ST6GALNAC5: variants seen among roughly 807,000 people sequenced by gnomAD.
The protein encoded by ST6GALNAC5 is ST6 N-acetylgalactosaminide alpha-2,6-sialyltransferase 5.
A neutral mutation model predicts 33.6 loss-of-function variants in ST6GALNAC5; 27 were observed. The observed-to-expected ratio is 0.80, with a 90% CI of 0.59 to 1.11. ST6GALNAC5 has a LOEUF of 1.11. Among genes scored for constraint, ST6GALNAC5 ranks in the 50% least tolerant of loss-of-function variants. The pLI is 0.00. For synonymous variants in ST6GALNAC5, 194 were observed against 171.2 expected, an observed-to-expected ratio of 1.13 and a Z score of -1.04; for missense variants, 428 against 454.0, an observed-to-expected ratio of 0.94 and a Z score of 0.52.
chr1:77,000,834 T>A (rs1403925213), intron 2 of ST6GALNAC5, among the ~76,000 whole-genome samples: 1 of 152,154 alleles, frequency 6.6e-6, no homozygotes, highest in African/African-American at 2.4e-5. Context: ...GGGCTCCGTT[T>A]TGTTCCATTG....
chr1:77,015,189 A>G (rs1650782771), intron 2 of ST6GALNAC5, among the ~76,000 whole-genome samples: 1 of 152,170 alleles, frequency 6.6e-6, no homozygotes, highest in South Asian at 2.1e-4. Flanking sequence ...CAGTAGGGTA[A>G]ATCAGTCCAA....
chr1:77,039,252 G>A (rs1340214868), intron 2 of ST6GALNAC5, among the ~76,000 whole-genome samples: 2 of 152,172 alleles, frequency 1.3e-5, no homozygotes, highest in Non-Finnish European at 2.9e-5. Flanking sequence ...CCTCACAACA[G>A]CTCTAATGAC....
chr1:77,021,454 A>G (rs1442164612), intron 2 of ST6GALNAC5, among the ~76,000 whole-genome samples: 2 of 152,150 alleles, frequency 1.3e-5, no homozygotes, highest in Admixed American at 6.5e-5. Flanking sequence ...TAATGACTTC[A>G]TTATATTTTG....
intron 2 of ST6GALNAC5, among the ~76,000 whole-genome samples, chr1:76,992,222 G>A (rs6669856): frequency 0.81 from 123,586 of 152,046 alleles, 50,692 homozygotes; most frequent in East Asian, 0.93. Flanking sequence ...TCTTGAATGA[G>A]TAACTCTATG....
At chr1:77,011,034 G>A (rs1399222180) in intron 2 of ST6GALNAC5, among the ~76,000 whole-genome samples, 1 of 152,180 alleles carries the variant, frequency 6.6e-6, no homozygotes, top group African/African-American at 2.4e-5. Context: ...GAAGTCTGAG[G>A]TTCTGCTGTT....
intron 2 of ST6GALNAC5, among the ~76,000 whole-genome samples, chr1:77,005,290 A>T (rs1650357497): frequency 1.3e-5 from 2 of 152,118 alleles, no homozygotes; most frequent in Admixed American, 6.6e-5. Flanking sequence ...TGACTCAGAA[A>T]GGGAACTCCC....
rs752127454 is a variant in ST6GALNAC5, at chr1:77,063,229, A to T, written c.*23A>T. ...TAAGGAATGAGCATGCCAGACTGTA[A>T]TCCCAGGTATTCACTGCATCAGACA... On this transcript the variant is annotated 3_prime_UTR_variant, in exon 5 of 5. Coordinates refer to ENST00000477717, the MANE Select transcript of ST6GALNAC5 (RefSeq NM_030965.3). 1 of 1,603,662 alleles carries T rather than the reference A, an allele frequency of 6.2e-7. No individual in the cohort carries two copies. The highest frequency in any genetic ancestry group is 1.3e-5 in the African/African-American group (1 of 74,754).
chr1:76,984,288 GAGA>G (rs1303860614), intron 2 of ST6GALNAC5, among the ~76,000 whole-genome samples: 11 of 152,120 alleles, frequency 7.2e-5, no homozygotes, highest in Non-Finnish European at 1.0e-4. Context: ...GAAGAAAAAA[GAGA>G]AGAAGACTCA....
chr1:76,980,780 GTAGGTATAAATCTTTATGACCTTGAT>G (rs1649217847), intron 2 of ST6GALNAC5, among the ~76,000 whole-genome samples: 1 of 152,154 alleles, frequency 6.6e-6, no homozygotes, highest in South Asian at 2.1e-4. Flanking sequence ...AAAAGAAAAT[GTAGGTATAAATCTTTATGACCTTGAT>G]TAGGTATGGA....
In ST6GALNAC5 at chr1:77,067,114, C is replaced by A. The variant is rs1306025518; in HGVS notation, c.*3908C>A. 6.6e-6 allele frequency among the ~76,000 whole-genome samples: 1 copy of A among 152,002 alleles called. No homozygotes were observed. Among genetic ancestry groups the A allele is most frequent in the South Asian group, 2.1e-4 (1 of 4,810 alleles). On this transcript the variant is annotated 3_prime_UTR_variant, in exon 5 of 5. Transcript: ENST00000477717. ...TCCTGGGCTCCATGACAGTGGCTCACCCTATCAGAAGGCCACGTCAAAGAG... is the reference window on the plus strand; with the variant it reads ...TCCTGGGCTCCATGACAGTGGCTCAACCTATCAGAAGGCCACGTCAAAGAG...
intron 2 of ST6GALNAC5, among the ~76,000 whole-genome samples, chr1:76,945,003 G>A (rs552184765): frequency 6.6e-6 from 1 of 152,108 alleles, no homozygotes; most frequent in Non-Finnish European, 1.5e-5. Flanking sequence ...GGCTGCTGGA[G>A]CCTGGCCCAA....
Position 76,867,490 on chromosome 1 carries a change from C to A in ST6GALNAC5, c.-186C>A, listed in dbSNP as rs565864042. On this transcript the variant is annotated 5_prime_UTR_variant, in exon 1 of 5. It adds an upstream start codon to the 5' untranslated region. Transcript: ENST00000477717. Reference sequence around the variant, plus strand: ...ACGAGGGTCCGGTTCAGTTTTAATTCTGTCTCTAATCTCTGCAACAGCCGC... The same window carrying A: ...ACGAGGGTCCGGTTCAGTTTTAATTATGTCTCTAATCTCTGCAACAGCCGC... 3.6e-6 allele frequency: 3 copies of A among 838,926 alleles called. No individual in the cohort carries two copies. Among genetic ancestry groups the A allele is most frequent in the South Asian group, 1.5e-5 (1 of 67,120 alleles). The allele number at this position is 838,926 out of a possible 1,614,324, so 52.0% of individuals were successfully genotyped here. A position where few individuals can be genotyped will look rare whatever the true frequency, so the allele number is the denominator to read the frequency against.
chr1:76,989,605 C>T (rs1021456578), intron 2 of ST6GALNAC5, among the ~76,000 whole-genome samples: 2 of 151,870 alleles, frequency 1.3e-5, no homozygotes, highest in Non-Finnish European at 2.9e-5. Context: ...TTCCTAAGCT[C>T]TGTATTTATA....
chr1:76,999,731 A>C (rs1329227036), intron 2 of ST6GALNAC5, among the ~76,000 whole-genome samples: 2 of 148,050 alleles, frequency 1.4e-5, no homozygotes, highest in South Asian at 4.4e-4. Context: ...ATGAGTGAGA[A>C]TATGCAGTGT....
intron 2 of ST6GALNAC5, among the ~76,000 whole-genome samples, chr1:77,018,268 T>C (rs569660588): frequency 6.6e-6 from 1 of 152,320 alleles, no homozygotes; most frequent in African/African-American, 2.4e-5. Context: ...TCTAAGTCTT[T>C]ATAGATCATA....
chr1:76,947,561 A>AC (rs1045296199), intron 2 of ST6GALNAC5, among the ~76,000 whole-genome samples: 1 of 151,896 alleles, frequency 6.6e-6, no homozygotes, highest in Non-Finnish European at 1.5e-5. Flanking sequence ...ACATAGAGAG[A>AC]CCCCATCTCT....
At chr1:76,971,479 T>C (rs909674093) in intron 2 of ST6GALNAC5, among the ~76,000 whole-genome samples, 7 of 152,214 alleles carry the variant, frequency 4.6e-5, no homozygotes, top group Non-Finnish European at 1.0e-4. Context: ...ATTTATATAA[T>C]GATTTTTCTA....
chr1:76,997,010 C>A (rs893819566), intron 2 of ST6GALNAC5, among the ~76,000 whole-genome samples: 1 of 152,262 alleles, frequency 6.6e-6, no homozygotes, highest in Non-Finnish European at 1.5e-5. Flanking sequence ...ATCACATGAA[C>A]CCCTGGAGAA....
At chr1:76,885,854 A>G (rs1314712512) in intron 2 of ST6GALNAC5, among the ~76,000 whole-genome samples, 1 of 152,194 alleles carries the variant, frequency 6.6e-6, no homozygotes, top group Non-Finnish European at 1.5e-5. Flanking sequence ...TAAGTTTTGT[A>G]AATCATTCCC....
Sources: allele counts gnomAD v4.1 joint callset (sites outside exome capture counted in the v4.1 genomes callset), GRCh38; gene constraint gnomAD v4.1.1; transcripts MANE v1.5; gene names NCBI Gene and HGNC (gene_info 2026-07-23, HGNC 2026-07-21).